The following OMA1 variants were observed in gnomAD, a reference collection of about 807,000 sequenced individuals.
The protein encoded by OMA1 is metalloendopeptidase OMA1, mitochondrial.
Under a neutral mutation model 30.9 loss-of-function variants are expected in OMA1, and 38 were observed. The ratio of observed to expected loss-of-function variants is 1.23; its 90% CI spans 0.95 to 1.61. The LOEUF is 1.61. Among genes scored for constraint, OMA1 ranks in the 40% most tolerant of loss-of-function variants. The pLI, the probability that OMA1 is intolerant of heterozygous loss-of-function variation, is 0.00. For synonymous variants in OMA1, 173 were observed against 121.9 expected, an observed-to-expected ratio of 1.42 and a Z score of -2.76; for missense variants, 461 against 349.2, an observed-to-expected ratio of 1.32 and a Z score of -2.55.
At chr1:58,481,266 CAA>C (rs1645477705) in intron 8 of OMA1, 92 bp from the exon 9 acceptor site, 6 of 457,758 alleles carry the variant, frequency 1.3e-5, no homozygotes, top group African/African-American at 2.0e-5. Flanking sequence ...CCATGTAAAA[CAA>C]AGAATGTATT....
At chr1:58,526,000 G>A (rs1646343657) in intron 7 of OMA1, among the ~76,000 whole-genome samples, 1 of 151,662 alleles carries the variant, frequency 6.6e-6, no homozygotes, top group Non-Finnish European at 1.5e-5. Context: ...CTATCCATAG[G>A]GGAAAAAAAA....
intron 7 of OMA1, among the ~76,000 whole-genome samples, chr1:58,510,001 T>C (rs780799910): frequency 9.2e-5 from 14 of 151,844 alleles, no homozygotes; most frequent in Non-Finnish European, 4.4e-5. Flanking sequence ...ATAAAAAACC[T>C]CCCAACAAAG....
chr1:58,514,191 C>A (rs1646125232), intron 7 of OMA1, among the ~76,000 whole-genome samples: 1 of 151,898 alleles, frequency 6.6e-6, no homozygotes, highest in South Asian at 2.1e-4. Context: ...CTAGTACAAT[C>A]CAGAGAATAT....
chr1:58,498,715 TAC>T (rs1396482407), intron 8 of OMA1, among the ~76,000 whole-genome samples: 6 of 152,222 alleles, frequency 3.9e-5, no homozygotes, highest in African/African-American at 1.4e-4. Context: ...TGTAACATAT[TAC>T]AGTTTCCCTC....
At chr1:58,512,707 T>C (rs148294932) in intron 7 of OMA1, among the ~76,000 whole-genome samples, 55 of 152,188 alleles carry the variant, frequency 3.6e-4, no homozygotes, top group African/African-American at 1.3e-3. Flanking sequence ...AGCAAGCTTG[T>C]AGAAGTAGAG....
chr1:58,480,967 A>G lies in OMA1; in HGVS notation c.1573T>C (p.Ter525ArgextTer10), dbSNP rs1645470211. The change falls in exon 9 of 9, where the codon TGA becomes CGA. Residue 525 changes from the stop codon to arginine (R), a stop_lost. Coordinates refer to ENST00000371226, the MANE Select transcript of OMA1 (RefSeq NM_145243.5). ...TYIVEKRTGS[*>R] ...TCTTGTGTCTCATAAATTTTAATTC[A>G]ACTGCCCGTTCTTTTCTCAACTATG... The G allele has an allele frequency of 1.2e-6, 1 of 862,032 alleles. No homozygotes were observed. The highest frequency in any genetic ancestry group is 1.6e-5 in the African/African-American group (1 of 61,032). 53.4% of individuals were successfully genotyped at this position (862,032 alleles called of 1,614,324 possible).
chr1:58,530,898 G>A (rs1646425083), intron 5 of OMA1, among the ~76,000 whole-genome samples, 169 bp from the exon 6 acceptor site: 2 of 151,804 alleles, frequency 1.3e-5, no homozygotes, highest in South Asian at 4.2e-4. Flanking sequence ...TCCCTTCCTT[G>A]GTTTATCTAC....
At position 58,534,138 on chromosome 1, in the gene OMA1, G is replaced by C. The variant is rs369333392; in HGVS notation, c.903+20C>G. 3.5e-6 allele frequency: 3 copies of C among 868,560 alleles called. No individual in the cohort carries two copies. The highest frequency in any genetic ancestry group is 6.0e-6 in the Non-Finnish European group (3 of 500,786). The allele number at this position is 868,560 out of a possible 1,614,324, so 53.8% of individuals were successfully genotyped here. Reference sequence around the variant, plus strand: ...ACAATAAATTTAACAATTACAATGCGTTTGAGAACATTTACTTACTGGAAG... The same window carrying C: ...ACAATAAATTTAACAATTACAATGCCTTTGAGAACATTTACTTACTGGAAG... On this transcript the variant is annotated intron_variant, in intron 4 of 8. Transcript: ENST00000371226.
rs146724836 is a variant in OMA1 at position 58,503,988 on chromosome 1, T to C, written c.1365+2072A>G. On this transcript the variant is annotated intron_variant, in intron 8 of 8. Transcript: ENST00000371226. The stretch of plus-strand genomic sequence containing the variant: ...TCTGACTGATTCTTTCCCCATTTTC[T>C]GCTACCAGATATCTTGGTCCAAGCC... 9.8e-5 allele frequency among the ~76,000 whole-genome samples: 15 copies of C among 152,360 alleles called. No homozygotes were observed. The East Asian group carries it at 2.5e-3, about 26-fold the overall frequency.
intron 8 of OMA1, among the ~76,000 whole-genome samples, chr1:58,498,142 A>AT (rs1294709889): frequency 1.3e-5 from 2 of 152,170 alleles, no homozygotes; most frequent in Non-Finnish European, 2.9e-5. Flanking sequence ...ATACTGTTCA[A>AT]TATCAGTGGG....
intron 7 of OMA1, among the ~76,000 whole-genome samples, chr1:58,523,626 G>GAA (rs1646302042): frequency 6.6e-6 from 1 of 152,082 alleles, no homozygotes; most frequent in Admixed American, 6.5e-5. Flanking sequence ...CTGGCCGGGC[G>GAA]CAGTGGCTCA....
intron 8 of OMA1, among the ~76,000 whole-genome samples, chr1:58,499,165 T>C (rs534244070): frequency 4.6e-5 from 7 of 151,688 alleles, no homozygotes; most frequent in Non-Finnish European, 8.8e-5. Flanking sequence ...CTCACTTATA[T>C]ATGGAATCTA....
intron 7 of OMA1, 39 bp downstream of exon 7, chr1:58,527,222 G>A: frequency 1.2e-6 from 1 of 859,458 alleles, no homozygotes; most frequent in Non-Finnish European, 2.0e-6. Flanking sequence ...TTTCAGCCTG[G>A]GAAGGGCATT....
At chr1:58,502,888 A>G (rs1263672902) in intron 8 of OMA1, among the ~76,000 whole-genome samples, 1 of 152,216 alleles carries the variant, frequency 6.6e-6, no homozygotes, top group Non-Finnish European at 1.5e-5. Context: ...GAGGTTTTCA[A>G]ATTAAGTTTC....
chr1:58,521,571 A>G (rs1372335135), intron 7 of OMA1, among the ~76,000 whole-genome samples: 1 of 152,120 alleles, frequency 6.6e-6, no homozygotes, highest in African/African-American at 2.4e-5. Flanking sequence ...ATATTAACAA[A>G]GGGGACATTT....
intron 7 of OMA1, among the ~76,000 whole-genome samples, chr1:58,518,480 G>A (rs1378334571): frequency 2.0e-5 from 3 of 151,866 alleles, no homozygotes; most frequent in Non-Finnish European, 2.9e-5. Context: ...TAGGACTGGA[G>A]TCAATGAAAG....
intron 8 of OMA1, among the ~76,000 whole-genome samples, chr1:58,481,786 T>C (rs1366944637): frequency 6.6e-6 from 1 of 152,148 alleles, no homozygotes; most frequent in Admixed American, 6.5e-5. Context: ...TCTGATGGTT[T>C]TATAAAGGGC....
rs7544780 is a variant in OMA1 at position 58,542,777 on chromosome 1, C to A, written c.-16-3467G>T. Among the ~76,000 whole-genome samples, 641 of 152,296 alleles carry A rather than the reference C, an allele frequency of 4.2e-3. 3 individuals are homozygous for A. The highest frequency in any genetic ancestry group is 0.015 in the African/African-American group (620 of 41,564). On this transcript the variant is annotated intron_variant, in intron 1 of 8. Coordinates refer to ENST00000371226, the MANE Select transcript of OMA1 (RefSeq NM_145243.5). Reference sequence around the variant, plus strand: ...TTTCCAAATGTGCATCTTACAGCCTCATTTTAGGGGACAGGCTTAGACGGC... The same window carrying A: ...TTTCCAAATGTGCATCTTACAGCCTAATTTTAGGGGACAGGCTTAGACGGC...
At chr1:58,491,343 G>T (rs989260401) in intron 8 of OMA1, among the ~76,000 whole-genome samples, 1 of 152,182 alleles carries the variant, frequency 6.6e-6, no homozygotes, top group African/African-American at 2.4e-5. Context: ...AGGCTAGGAA[G>T]AAACTGCATC....
Sources: gnomAD v4.1 joint callset for allele counts (sites outside exome capture counted in the v4.1 genomes callset) on GRCh38, gnomAD v4.1.1 for gene constraint, MANE v1.5 for transcripts, NCBI Gene and HGNC (gene_info 2026-07-23, HGNC 2026-07-21) for gene names.